The following RAP2A variants were observed in gnomAD, a reference collection of about 807,000 sequenced individuals.
RAP2A encodes the protein RAP2A, member of RAS oncogene family, also known as ras-related protein Rap-2a.
RAP2A carries 5 observed loss-of-function variants against 15.1 expected under a neutral mutation model. The ratio of observed to expected loss-of-function variants is 0.33; its 90% CI spans 0.17 to 0.70. The LOEUF is 0.70. Ranked by LOEUF, RAP2A falls within the 30% of genes least tolerant of loss-of-function variation. The pLI is 0.68. For synonymous variants in RAP2A, 110 were observed against 99.7 expected (o/e 1.10, Z -0.62); for missense variants, 111 against 240.3 (o/e 0.46, Z 3.56).
chr13:97,449,745 T>C (rs927414898), intron 1 of RAP2A, among the ~76,000 whole-genome samples: 1 of 152,106 alleles, frequency 6.6e-6, no homozygotes, highest in Admixed American at 6.5e-5. Context: ...TTCCATGTCA[T>C]CTGTTACTTC....
At chr13:97,436,238 T>TTA (rs1319900882) in intron 1 of RAP2A, 1 of 152,164 alleles carries the variant, frequency 6.6e-6, no homozygotes, top group African/African-American at 2.4e-5. Context: ...AGTTAAATGT[T>TTA]TATAGTTAAG....
chr13:97,461,971 A>AT (rs1555326903), intron 1 of RAP2A, among the ~76,000 whole-genome samples: 2,943 of 142,040 alleles, frequency 0.021, 143 homozygotes, highest in East Asian at 0.19. Context: ...TCAAAAAAAA[A>AT]ATATATATAT....
chr13:97,442,902 T>G (rs925979919), intron 1 of RAP2A, among the ~76,000 whole-genome samples: 1 of 152,212 alleles, frequency 6.6e-6, no homozygotes, highest in Admixed American at 6.5e-5. Context: ...CAAAAAGATA[T>G]AGCATATCTT....
chr13:97,441,874 G>A, intron 1 of RAP2A: 1 of 375,462 alleles, frequency 2.7e-6, no homozygotes, highest in Non-Finnish European at 5.2e-6. Flanking sequence ...TGACTGAATA[G>A]TTACTAAAGG....
intron 1 of RAP2A, among the ~76,000 whole-genome samples, chr13:97,463,179 A>G (rs1007269902): frequency 2.0e-5 from 3 of 152,244 alleles, no homozygotes; most frequent in African/African-American, 7.2e-5. Flanking sequence ...GTCTTGTGAA[A>G]ATATATTAGC....
chr13:97,440,281 T>A (rs919260382), intron 1 of RAP2A, among the ~76,000 whole-genome samples: 2 of 151,954 alleles, frequency 1.3e-5, no homozygotes, highest in Admixed American at 1.3e-4. Context: ...GTAGGAAAAA[T>A]TTTTAATAAT....
At chr13:97,444,943 A>G (rs2066673585) in intron 1 of RAP2A, among the ~76,000 whole-genome samples, 1 of 152,206 alleles carries the variant, frequency 6.6e-6, no homozygotes, top group Non-Finnish European at 1.5e-5. Context: ...TGACAGTTCT[A>G]GATGCCAGGA....
At chr13:97,461,955 T>G (rs1261335562) in intron 1 of RAP2A, among the ~76,000 whole-genome samples, 2 of 144,076 alleles carry the variant, frequency 1.4e-5, no homozygotes, top group Non-Finnish European at 3.0e-5. Context: ...AGAGCGAGAC[T>G]CCGTCTCAAA....
rs1253833396 is a variant in RAP2A, at chr13:97,466,452, A to G, written c.*2010A>G. On this transcript the variant is annotated 3_prime_UTR_variant, in exon 2 of 2. Transcript: ENST00000245304. Reference sequence around the variant, plus strand: ...TGATTCAAACATGTAGAGAAGTTGTAGATTCAAGATATATGATTTCTCTAT... The same window carrying G: ...TGATTCAAACATGTAGAGAAGTTGTGGATTCAAGATATATGATTTCTCTAT... 5 of 152,226 alleles carry G rather than the reference A, an allele frequency of 3.3e-5. No homozygotes were observed. Among genetic ancestry groups the G allele is most frequent in the Admixed American group, 3.3e-4 (5 of 15,284 alleles). 9.4% of individuals were successfully genotyped at this position (152,226 alleles called of 1,614,324 possible).
rs968021929 is a variant in RAP2A, at chr13:97,467,265, A to G, written c.*2823A>G. Reference sequence around the variant, plus strand: ...TAACTGATGCCTTTCATTTTGTTCAACTTATACAAAACAAGCCAGCATCTG... The same window carrying G: ...TAACTGATGCCTTTCATTTTGTTCAGCTTATACAAAACAAGCCAGCATCTG... On this transcript the variant is annotated 3_prime_UTR_variant, in exon 2 of 2. Transcript: ENST00000245304. The G allele has an allele frequency of 2.6e-5, 4 of 152,538 alleles. No individual in the cohort carries two copies. Among genetic ancestry groups the G allele is most frequent in the Admixed American group, 6.6e-5 (1 of 15,260 alleles). The allele number at this position is 152,538 out of a possible 1,614,324, so 9.4% of individuals were successfully genotyped here.
Position 97,464,492 on chromosome 13 carries a change from T to C in RAP2A, c.*50T>C, listed in dbSNP as rs765339758. On this transcript the variant is annotated 3_prime_UTR_variant, in exon 2 of 2. Coordinates refer to ENST00000245304, the MANE Select transcript of RAP2A (RefSeq NM_021033.7). ...GGGATTTGCCCAATGTCGTAGGTGATAGAAAACTCGCCTACTCCACTGCAG... is the reference window on the plus strand; with the variant it reads ...GGGATTTGCCCAATGTCGTAGGTGACAGAAAACTCGCCTACTCCACTGCAG... 9.0e-6 allele frequency: 14 copies of C among 1,553,636 alleles called. No individual in the cohort carries two copies. The Admixed American group carries it at 1.2e-4, about 13-fold the overall frequency.
chr13:97,459,850 T>G (rs1441928134), intron 1 of RAP2A, among the ~76,000 whole-genome samples: 1 of 152,252 alleles, frequency 6.6e-6, no homozygotes, highest in Non-Finnish European at 1.5e-5. Context: ...CTCTGCTAAT[T>G]ACAGAGCTTT....
chr13:97,452,101 G>T (rs989325400), intron 1 of RAP2A, among the ~76,000 whole-genome samples: 4 of 151,000 alleles, frequency 2.6e-5, no homozygotes, highest in African/African-American at 9.8e-5. Context: ...TCACTTAATA[G>T]TTTCCTTGAG....
intron 1 of RAP2A, among the ~76,000 whole-genome samples, chr13:97,450,381 A>G (rs547146159): frequency 6.6e-6 from 1 of 152,310 alleles, no homozygotes; most frequent in African/African-American, 2.4e-5. Context: ...TTTAATGCAC[A>G]GGTTTCAGAT....
At chr13:97,453,366 C>T (rs1434101155) in intron 1 of RAP2A, among the ~76,000 whole-genome samples, 2 of 151,246 alleles carry the variant, frequency 1.3e-5, no homozygotes, top group African/African-American at 4.9e-5. Context: ...ACTTACTCCC[C>T]TCCTTCCTTC....
intron 1 of RAP2A, among the ~76,000 whole-genome samples, chr13:97,455,752 A>T (rs2066720362): frequency 6.6e-6 from 1 of 151,466 alleles, no homozygotes; most frequent in Admixed American, 6.6e-5. Flanking sequence ...ATATTAGCTT[A>T]TGTTGATTCA....
Position 97,464,474 on chromosome 13 carries a change from G to C in RAP2A, c.*32G>C. 2 of 1,601,226 alleles carry C rather than the reference G, an allele frequency of 1.2e-6. No individual in the cohort carries two copies. Among genetic ancestry groups the C allele is most frequent in the Non-Finnish European group, 1.7e-6 (2 of 1,168,602 alleles). ...AATATGGCTGTCCTGGATGGGATTTGCCCAATGTCGTAGGTGATAGAAAAC... is the reference window on the plus strand; with the variant it reads ...AATATGGCTGTCCTGGATGGGATTTCCCCAATGTCGTAGGTGATAGAAAAC... On this transcript the variant is annotated 3_prime_UTR_variant, in exon 2 of 2. Coordinates refer to ENST00000245304, the MANE Select transcript of RAP2A (RefSeq NM_021033.7).
chr13:97,439,986 A>C (rs2066650338), intron 1 of RAP2A, among the ~76,000 whole-genome samples: 1 of 152,110 alleles, frequency 6.6e-6, no homozygotes, highest in Non-Finnish European at 1.5e-5. Flanking sequence ...CCCCCTTACC[A>C]TAAGTAGCTA....
intron 1 of RAP2A, among the ~76,000 whole-genome samples, chr13:97,445,922 C>T (rs1428149556): frequency 6.6e-6 from 1 of 152,198 alleles, no homozygotes; most frequent in Non-Finnish European, 1.5e-5. Flanking sequence ...AGCACATCAT[C>T]TGGTTTTATT....
Sources: gnomAD v4.1 joint callset for allele counts (sites outside exome capture counted in the v4.1 genomes callset) on GRCh38, gnomAD v4.1.1 for gene constraint, MANE v1.5 for transcripts, NCBI Gene and HGNC (gene_info 2026-07-23, HGNC 2026-07-21) for gene names.